The following CACNA1C variants were observed in gnomAD, a reference collection of about 807,000 sequenced individuals.
The protein encoded by CACNA1C is calcium voltage-gated channel subunit alpha1 C.
CACNA1C carries 30 observed loss-of-function variants against 229.0 expected under a neutral mutation model. The ratio of observed to expected loss-of-function variants is 0.13; its 90% confidence interval spans 0.10 to 0.18. The LOEUF is 0.18. Ranked by LOEUF, CACNA1C falls within the 10% of genes least tolerant of loss-of-function variation. The pLI, the probability that CACNA1C is intolerant of heterozygous loss-of-function variation, is 1.00. For missense variants in CACNA1C, 1,658 were observed against 2,845.0 expected (o/e 0.58, Z 9.49); for synonymous variants, 1,114 against 1,132.5 (o/e 0.98, Z 0.33).
At chr12:2,501,530 C>CA (rs1272563740) in intron 7 of CACNA1C, among the ~76,000 whole-genome samples, 1 of 152,236 alleles carries the variant, frequency 6.6e-6, no homozygotes, top group Non-Finnish European at 1.5e-5. Flanking sequence ...TAAGAATAGT[C>CA]AAAGAATGAC....
chr12:2,346,938 G>A lies in CACNA1C; in HGVS notation c.478-102038G>A, dbSNP rs1014203728. Among the ~76,000 whole-genome samples, 9 of 152,280 alleles carry A rather than the reference G, an allele frequency of 5.9e-5. No individual in the cohort carries two copies. Among genetic ancestry groups the A allele is most frequent in the African/African-American group, 2.2e-4 (9 of 41,560 alleles). ...GCTGGTGTCTCCCTCTTCTCAGAAT[G>A]CTAGTCCTTTGTATAACCCTTTCCA... On this transcript the variant is annotated intron_variant, in intron 3 of 46. Transcript: ENST00000399655. The surrounding 1 kb of genome is among the most constrained non-coding windows in gnomAD (Gnocchi z 4.4).
intron 9 of CACNA1C, among the ~76,000 whole-genome samples, chr12:2,522,984 G>A (rs1330123200): frequency 6.6e-6 from 1 of 152,076 alleles, no homozygotes; most frequent in African/African-American, 2.4e-5. Flanking sequence ...GCCCCCTCAC[G>A]AATGCCCTTC....
chr12:2,516,625 G>C (rs866590964), intron 9 of CACNA1C, among the ~76,000 whole-genome samples: 5 of 152,178 alleles, frequency 3.3e-5, no homozygotes, highest in African/African-American at 1.2e-4. Flanking sequence ...ATGTGAGAGA[G>C]AGAGGTAGGG....
chr12:2,602,045 C>A lies in CACNA1C; in HGVS notation c.2960+85C>A. On this transcript the variant is annotated intron_variant, in intron 22 of 46. Transcript: ENST00000399655. The surrounding 1 kb of genome is among the most constrained non-coding windows in gnomAD (Gnocchi z 4.4). ...GACAACCAGACCCTGGAGGGCCTGC[C>A]TGCAGGGCCACCGCAGTGTGATGAG... 1 of 863,388 alleles carries A rather than the reference C, an allele frequency of 1.2e-6. No individual in the cohort carries two copies. Among genetic ancestry groups the A allele is most frequent in the Non-Finnish European group, 2.0e-6 (1 of 506,650 alleles). 53.5% of individuals were successfully genotyped at this position (863,388 alleles called of 1,614,324 possible).
intron 1 of CACNA1C, among the ~76,000 whole-genome samples, chr12:2,100,582 CA>C (rs71441677): frequency 0.043 from 2,832 of 66,478 alleles, 33 homozygotes; most frequent in Middle Eastern, 0.098. Context: ...CTGTTTCTAC[CA>C]AAAAAAAAAA....
chr12:2,179,548 T>C (rs1235719177), intron 3 of CACNA1C, among the ~76,000 whole-genome samples: 1 of 152,210 alleles, frequency 6.6e-6, no homozygotes, highest in Non-Finnish European at 1.5e-5. Context: ...ATACTGAACA[T>C]TGACCCAGAC....
intron 3 of CACNA1C, among the ~76,000 whole-genome samples, chr12:2,438,810 G>A (rs2099184715): frequency 1.3e-5 from 2 of 152,066 alleles, no homozygotes; most frequent in Admixed American, 6.5e-5. Flanking sequence ...GGCCTGAGTG[G>A]GGAGAGGCCA....
chr12:2,374,273 T>C (rs2097959944), intron 3 of CACNA1C, among the ~76,000 whole-genome samples: 1 of 152,274 alleles, frequency 6.6e-6, no homozygotes. Flanking sequence ...TTGATTGCAG[T>C]ATGTGGGAAA....
intron 3 of CACNA1C, among the ~76,000 whole-genome samples, chr12:2,386,662 T>C (rs2098397138): frequency 6.6e-6 from 1 of 152,196 alleles, no homozygotes; most frequent in Admixed American, 6.5e-5. Context: ...GACCTGTATG[T>C]CTTCTCATTA....
intron 1 of CACNA1C, among the ~76,000 whole-genome samples, chr12:1,974,702 A>G (rs888381332): frequency 6.6e-6 from 1 of 152,156 alleles, no homozygotes; most frequent in African/African-American, 2.4e-5. Context: ...GATAATGGCA[A>G]TCCCAAGCTT....
At chr12:2,041,971 A>T (rs2050196290) in intron 1 of CACNA1C, among the ~76,000 whole-genome samples, 2 of 152,180 alleles carry the variant, frequency 1.3e-5, no homozygotes, top group South Asian at 4.1e-4. Flanking sequence ...GACATCCCAA[A>T]AGTTTCATGA....
At chr12:2,430,470 T>C (rs1465382326) in intron 3 of CACNA1C, among the ~76,000 whole-genome samples, 1 of 152,146 alleles carries the variant, frequency 6.6e-6, no homozygotes, top group Non-Finnish European at 1.5e-5. Flanking sequence ...TTCTTTTAAC[T>C]AGTTCCCAGG....
chr12:2,166,649 G>A (rs2096248956), intron 3 of CACNA1C, among the ~76,000 whole-genome samples: 1 of 152,234 alleles, frequency 6.6e-6, no homozygotes, highest in Non-Finnish European at 1.5e-5. Flanking sequence ...ATCCCTCATA[G>A]CGTTGTTAGG....
chr12:2,566,480 T>A lies in CACNA1C; in HGVS notation c.1567T>A (p.Ser523Thr). The change falls in exon 12 of 47, where the codon TCT (serine) becomes ACT (threonine). Residue 523 changes from serine (S) to threonine (T), a missense_variant. By Grantham distance (58) the Ser-to-Thr change is moderately conservative. Transcript: ENST00000399655. The surrounding 1 kb of genome is among the most constrained non-coding windows in gnomAD (Gnocchi z 4.0). Reference sequence around the variant, plus strand: ...AAGGAAGTGCCGCGCCGCAGTCAAGTCTAATGTCTTCTACTGGCTGGTGAT... The same window carrying A: ...AAGGAAGTGCCGCGCCGCAGTCAAGACTAATGTCTTCTACTGGCTGGTGAT... The part of the protein sequence containing the change: ...CRRKCRAAVK[S>T]NVFYWLVIFL... The A allele has an allele frequency of 1.3e-6, 2 of 1,595,286 alleles. No homozygotes were observed. The highest frequency in any genetic ancestry group is 1.7e-6 in the Non-Finnish European group (2 of 1,170,860).
intron 7 of CACNA1C, among the ~76,000 whole-genome samples, chr12:2,503,053 G>T (rs552515405): frequency 2.0e-5 from 3 of 152,332 alleles, no homozygotes; most frequent in Admixed American, 6.5e-5. Flanking sequence ...CCTTGTGGAG[G>T]TACATGGAGA....
intron 1 of CACNA1C, among the ~76,000 whole-genome samples, chr12:2,100,835 T>C (rs1477660248): frequency 6.6e-6 from 1 of 151,620 alleles, no homozygotes; most frequent in African/African-American, 2.4e-5. Flanking sequence ...GATGGATTGC[T>C]TGAGCCCAGG....
intron 3 of CACNA1C, among the ~76,000 whole-genome samples, chr12:2,174,298 A>G (rs1182607247): frequency 6.6e-6 from 1 of 152,212 alleles, no homozygotes; most frequent in Non-Finnish European, 1.5e-5. Context: ...CTATAGTCAT[A>G]AAATGAGCAG....
At chr12:1,994,866 C>A (rs998031839) in intron 1 of CACNA1C, among the ~76,000 whole-genome samples, 7 of 152,098 alleles carry the variant, frequency 4.6e-5, no homozygotes, top group Non-Finnish European at 8.8e-5. Flanking sequence ...TAAGAGAAGT[C>A]AAAATAAATC....
At chr12:2,661,315 A>ACACACACACACACACACACACAC (rs1491547750) in intron 34 of CACNA1C, among the ~76,000 whole-genome samples, 1 of 144,392 alleles carries the variant, frequency 6.9e-6, no homozygotes, top group South Asian at 2.1e-4. Context: ...ACACACACAC[A>ACACACACACACACACACACACAC]AGATTTTTCT....
Sources: allele counts gnomAD v4.1 joint callset (sites outside exome capture counted in the v4.1 genomes callset), GRCh38; gene constraint gnomAD v4.1.1; non-coding constraint Gnocchi (gnomAD v3.1); transcripts MANE v1.5; gene names NCBI Gene and HGNC (gene_info 2026-07-23, HGNC 2026-07-21).